STAC: variants seen among roughly 807,000 people sequenced by gnomAD.
STAC encodes SH3 and cysteine rich domain, also known as SH3 and cysteine-rich domain-containing protein.
In STAC, 43 loss-of-function variants were observed where a neutral mutation model predicts 48.8. The ratio of observed to expected loss-of-function variants is 0.88; its 90% CI spans 0.69 to 1.14. The LOEUF (loss-of-function observed/expected upper bound fraction) is 1.14. Ranked by LOEUF, STAC falls within the 50% of genes most tolerant of loss-of-function variation. The pLI is 0.00. For synonymous variants in STAC, 193 were observed against 179.5 expected, an observed-to-expected ratio of 1.07 and a Z score of -0.60; for missense variants, 497 against 504.0, an observed-to-expected ratio of 0.99 and a Z score of 0.13.
intron 1 of STAC, among the ~76,000 whole-genome samples, chr3:36,404,574 G>A (rs1700055647): frequency 6.6e-6 from 1 of 151,994 alleles, no homozygotes; most frequent in Admixed American, 6.6e-5. Context: ...AAATTAGTAA[G>A]GCCTCAAATT....
In STAC at chr3:36,547,019, A is replaced by G. The variant is rs1699463677; in HGVS notation, c.*730A>G. ...ACTGGCCTGGGTGACAGAGCAGGAC[A>G]TGAGACATAGATACAGTGGGGAGGA... On this transcript the variant is annotated 3_prime_UTR_variant, in exon 11 of 11. Transcript: ENST00000273183. 1 of 152,456 alleles carries G rather than the reference A, an allele frequency of 6.6e-6. No homozygotes were observed. Among genetic ancestry groups the G allele is most frequent in the Admixed American group, 6.5e-5 (1 of 15,288 alleles). 9.4% of individuals were successfully genotyped at this position (152,456 alleles called of 1,614,324 possible). A position where few individuals can be genotyped will look rare whatever the true frequency, so the allele number is the denominator to read the frequency against.
intron 2 of STAC, among the ~76,000 whole-genome samples, chr3:36,457,429 CTAT>C (rs2125680780): frequency 6.6e-6 from 1 of 152,286 alleles, no homozygotes; most frequent in African/African-American, 2.4e-5. Context: ...AACCTGTTCA[CTAT>C]TATTAAAGCT....
chr3:36,460,278 C>T (rs1696972553), intron 2 of STAC, among the ~76,000 whole-genome samples: 1 of 151,988 alleles, frequency 6.6e-6, no homozygotes, highest in East Asian at 1.9e-4. Flanking sequence ...AACTTTTGCT[C>T]TACATTGCTG....
At chr3:36,393,589 T>C (rs1224623053) in intron 1 of STAC, among the ~76,000 whole-genome samples, 1 of 151,130 alleles carries the variant, frequency 6.6e-6, no homozygotes, top group Non-Finnish European at 1.5e-5. Flanking sequence ...ACATCAGCCT[T>C]TGGGAGATAA....
At chr3:36,471,470 T>C (rs1299377793) in intron 2 of STAC, among the ~76,000 whole-genome samples, 1 of 152,160 alleles carries the variant, frequency 6.6e-6, no homozygotes, top group Non-Finnish European at 1.5e-5. Context: ...AAGTCTTCAC[T>C]CATTTCAGCA....
intron 1 of STAC, among the ~76,000 whole-genome samples, chr3:36,434,740 G>T (rs1483423684): frequency 6.6e-6 from 1 of 152,156 alleles, no homozygotes; most frequent in Non-Finnish European, 1.5e-5. Flanking sequence ...TTGATGTGCC[G>T]CTGTGGAACA....
Position 36,398,672 on chromosome 3 carries a change from GGAAA to G in STAC, c.111+17935_111+17938del, listed in dbSNP as rs1218701234. ...AAAGAGAAAGAAAGGAAGGAAGGAA[GGAAA>G]GAAAGAAAGAAAGAAAAGAAAGAAA... On this transcript the variant is annotated intron_variant, in intron 1 of 10. Coordinates refer to ENST00000273183, the MANE Select transcript of STAC (RefSeq NM_003149.3). Among the ~76,000 whole-genome samples, 181 of 113,512 alleles carry G rather than the reference GGAAA, an allele frequency of 1.6e-3. 1 individual carries two copies. In the Middle Eastern group the frequency reaches 0.02, roughly 12 times the overall value. The allele number at this position is 113,512 out of a possible 152,430, so 74.5% of individuals were successfully genotyped here. A position where few individuals can be genotyped will look rare whatever the true frequency, so the allele number is the denominator to read the frequency against.
intron 1 of STAC, among the ~76,000 whole-genome samples, chr3:36,385,326 T>C (rs1699593005): frequency 6.6e-6 from 1 of 152,136 alleles, no homozygotes; most frequent in Non-Finnish European, 1.5e-5. Context: ...CCAGATTTCA[T>C]ACATTTAAAA....
intron 1 of STAC, among the ~76,000 whole-genome samples, chr3:36,418,940 G>C (rs149184978): frequency 6.6e-6 from 1 of 151,630 alleles, no homozygotes; most frequent in African/African-American, 2.4e-5. Context: ...CCAGCTACCC[G>C]GGAGGCTGAG....
chr3:36,442,877 C>G lies in STAC; in HGVS notation c.112-487C>G, dbSNP rs138496230. Among the ~76,000 whole-genome samples, 333 of 151,436 alleles carry G rather than the reference C, an allele frequency of 2.2e-3. 2 individuals carry two copies. The South Asian group carries it at 0.025, about 11-fold the overall frequency. ...GGTTTGTGTCCTGTGGATAGTTTAG[C>G]GAGATGGATTTTGAGCCAGACAATA... is the stretch of plus-strand genomic sequence containing the variant. On this transcript the variant is annotated intron_variant, in intron 1 of 10. Transcript: ENST00000273183.
chr3:36,396,433 TAAC>T (rs1048591710), intron 1 of STAC, among the ~76,000 whole-genome samples: 13 of 152,288 alleles, frequency 8.5e-5, no homozygotes, highest in African/African-American at 3.1e-4. Context: ...AATTTTCTGA[TAAC>T]ACATTATTAC....
rs149854072 is a variant in STAC, at chr3:36,499,400, A to G, written c.767-4993A>G. ...GATTAAATATACTATTTCACTTTCT[A>G]TTTTGTTAAAACATATCTCATAAAA... On this transcript the variant is annotated intron_variant, in intron 6 of 10. Coordinates refer to ENST00000273183, the MANE Select transcript of STAC (RefSeq NM_003149.3). Among the ~76,000 whole-genome samples, 12 of 152,264 alleles carry G rather than the reference A, an allele frequency of 7.9e-5. No individual in the cohort carries two copies. In the East Asian group the frequency reaches 2.1e-3, roughly 27 times the overall value.
chr3:36,446,191 T>C (rs1357688387), intron 2 of STAC, among the ~76,000 whole-genome samples: 1 of 152,220 alleles, frequency 6.6e-6, no homozygotes, highest in African/African-American at 2.4e-5. Context: ...AACCTAACCT[T>C]GCCTTCAACA....
rs141604766 is a variant in STAC at position 36,537,442 on chromosome 3, A to T, written c.1110+8457A>T. ...ATTATCCTCATCAAACTAATGCAGGAACAGAAAACCAAACACTGCATGTTC... is the reference window on the plus strand; with the variant it reads ...ATTATCCTCATCAAACTAATGCAGGTACAGAAAACCAAACACTGCATGTTC... On this transcript the variant is annotated intron_variant, in intron 10 of 10. Coordinates refer to ENST00000273183, the MANE Select transcript of STAC (RefSeq NM_003149.3). 1.1e-4 allele frequency among the ~76,000 whole-genome samples: 17 copies of T among 152,322 alleles called. No individual in the cohort carries two copies. In the East Asian group the frequency reaches 3.3e-3, roughly 29 times the overall value.
chr3:36,439,633 T>G (rs1401171762), intron 1 of STAC, among the ~76,000 whole-genome samples: 1 of 152,148 alleles, frequency 6.6e-6, no homozygotes, highest in Non-Finnish European at 1.5e-5. Flanking sequence ...AAAATAAAAC[T>G]CCAGTCTTAC....
chr3:36,443,080 C>A lies in STAC; in HGVS notation c.112-284C>A, dbSNP rs1007835518. Among the ~76,000 whole-genome samples the A allele has an allele frequency of 6.6e-6, 1 of 152,166 alleles. No homozygotes were observed. The highest frequency in any genetic ancestry group is 2.4e-5 in the African/African-American group (1 of 41,438). On this transcript the variant is annotated intron_variant, in intron 1 of 10. Coordinates refer to ENST00000273183, the MANE Select transcript of STAC (RefSeq NM_003149.3). This position sits in a 1 kb window ranked among gnomAD's most constrained non-coding sequence, Gnocchi z 4.2. ...CCAATGTGGTGGGACACTTTTACAGCACACTGGTAGGACTTTAAGGAGGCA... is the reference window on the plus strand; with the variant it reads ...CCAATGTGGTGGGACACTTTTACAGAACACTGGTAGGACTTTAAGGAGGCA...
At chr3:36,423,037 GTACT>G (rs777422190) in intron 1 of STAC, among the ~76,000 whole-genome samples, 1 of 152,054 alleles carries the variant, frequency 6.6e-6, no homozygotes, top group Non-Finnish European at 1.5e-5. Context: ...AGGAGTAGTT[GTACT>G]CCTTTTGGTT....
At chr3:36,546,137 C>T in intron 10 of STAC, 54 bp from the exon 11 acceptor site, 4 of 1,502,774 alleles carry the variant, frequency 2.7e-6, no homozygotes, top group Middle Eastern at 3.4e-4. Flanking sequence ...CAGGTTCTAA[C>T]TTCGTTCTTG....
chr3:36,471,876 C>G (rs1697346710), intron 2 of STAC, among the ~76,000 whole-genome samples: 1 of 152,194 alleles, frequency 6.6e-6, no homozygotes, highest in Admixed American at 6.5e-5. Context: ...ACGGTGCAAG[C>G]TGTCAGTGGA....
Sources: allele counts gnomAD v4.1 joint callset (sites outside exome capture counted in the v4.1 genomes callset), GRCh38; gene constraint gnomAD v4.1.1; non-coding constraint Gnocchi (gnomAD v3.1); transcripts MANE v1.5; gene names NCBI Gene and HGNC (gene_info 2026-07-23, HGNC 2026-07-21).